The following COL4A4 variants were observed in gnomAD, a reference collection of about 807,000 sequenced individuals.
The protein encoded by COL4A4 is collagen type IV alpha 4 chain, also known as collagen alpha-4(IV) chain.
In COL4A4, 105 loss-of-function variants were observed where a neutral mutation model predicts 192.9. The observed-to-expected ratio is 0.54, with a 90% confidence interval of 0.46 to 0.64. COL4A4 has a LOEUF of 0.64. Ranked by LOEUF, COL4A4 falls within the 30% of genes least tolerant of loss-of-function variation. The probability of loss-of-function intolerance (pLI) is 0.00; values close to 1 mark genes in which losing one functional copy is unlikely to be tolerated. For synonymous variants in COL4A4, 762 were observed against 769.9 expected (o/e 0.99, Z 0.17); for missense variants, 1,967 against 2,169.3 (o/e 0.91, Z 1.85).
chr2:227,041,879 AAAG>A (rs1168206843), intron 37 of COL4A4, among the ~76,000 whole-genome samples: 2 of 146,764 alleles, frequency 1.4e-5, no homozygotes, highest in Non-Finnish European at 3.0e-5. Context: ...AGAAAGAAAG[AAAG>A]AAAGAAAGAA....
chr2:227,052,114 C>A (rs1296465100), intron 32 of COL4A4, among the ~76,000 whole-genome samples, 191 bp downstream of exon 32: 1 of 151,998 alleles, frequency 6.6e-6, no homozygotes, highest in East Asian at 1.9e-4. Flanking sequence ...TCGCTTGAAC[C>A]CGGGAGGCAG....
chr2:227,023,385 T>G (rs1417668276), intron 43 of COL4A4, among the ~76,000 whole-genome samples: 2 of 147,388 alleles, frequency 1.4e-5, no homozygotes, highest in Non-Finnish European at 3.0e-5. Flanking sequence ...AGAGGTTGCA[T>G]GAGCTGAGAT....
chr2:227,054,641 T>C lies in COL4A4; in HGVS notation c.2813A>G (p.Lys938Arg). ...CPGAKGEPGE[K>R]GMSGLPGDRG... Reference sequence around the variant, plus strand: ...GTCTCCAGGAAGGCCAGACATGCCCTTCTCTCCAGGTTCTCCCTTTGCGCC... The same window carrying C: ...GTCTCCAGGAAGGCCAGACATGCCCCTCTCTCCAGGTTCTCCCTTTGCGCC... The change falls in exon 31 of 48, where the codon AAG (lysine) becomes AGG (arginine). Residue 938 changes from lysine (K) to arginine (R), a missense_variant. Coordinates refer to ENST00000396625, the MANE Select transcript of COL4A4 (RefSeq NM_000092.5). 6.2e-7 allele frequency: 1 copy of C among 1,614,226 alleles called. No homozygotes were observed. Among genetic ancestry groups the C allele is most frequent in the Non-Finnish European group, 8.5e-7 (1 of 1,180,024 alleles).
At position 227,008,072 on chromosome 2, in the gene COL4A4, G is replaced by T. The variant is rs971543054; in HGVS notation, c.4755C>A (p.Ile1585=). ...TCCTCCAGGTCTGCGGACATGGGGGGATGGACTGGTCCTGGCTGTGCACCG... is the reference window on the plus strand; with the variant it reads ...TCCTCCAGGTCTGCGGACATGGGGGTATGGACTGGTCCTGGCTGTGCACCG... The part of the protein sequence containing the change: ...AVAVHSQDQS[I]PPCPQTWRSL... Residue 1585 remains isoleucine, a synonymous_variant, in exon 47 of 48, where the codon ATC becomes ATA. Coordinates refer to ENST00000396625, the MANE Select transcript of COL4A4 (RefSeq NM_000092.5). 6.2e-7 allele frequency: 1 copy of T among 1,614,056 alleles called. No individual in the cohort carries two copies. The highest frequency in any genetic ancestry group is 8.5e-7 in the Non-Finnish European group (1 of 1,180,044).
intron 3 of COL4A4, among the ~76,000 whole-genome samples, 158 bp from the exon 4 acceptor site, chr2:227,140,396 TTAA>T (rs2125295400): frequency 6.6e-6 from 1 of 152,326 alleles, no homozygotes; most frequent in African/African-American, 2.4e-5. Flanking sequence ...ACACAGTAGC[TTAA>T]TAATAAGGAG....
intron 43 of COL4A4, chr2:227,022,476 A>T (rs771460539): frequency 1.0e-5 from 6 of 600,432 alleles, no homozygotes; most frequent in Non-Finnish European, 1.6e-5. Flanking sequence ...TGATGCAGCA[A>T]CGTGATGACC....
At chr2:227,041,871 AAAGAAAGAAAGAAAG>A (rs1971425895) in intron 37 of COL4A4, among the ~76,000 whole-genome samples, 2 of 140,216 alleles carry the variant, frequency 1.4e-5, no homozygotes, top group African/African-American at 5.7e-5. Flanking sequence ...AGAAAGAAAG[AAAGAAAGAAAGAAAG>A]AAAGAAAGAA....
At chr2:227,025,329 A>G (rs1052501242) in intron 43 of COL4A4, among the ~76,000 whole-genome samples, 2 of 152,184 alleles carry the variant, frequency 1.3e-5, no homozygotes, top group African/African-American at 4.8e-5. Context: ...TCCTTTTAAC[A>G]CACAAAGAAA....
intron 11 of COL4A4, 78 bp downstream of exon 11, chr2:227,108,755 A>ATCTGATAAGAGGAAAG (rs1281514770): frequency 2.2e-5 from 33 of 1,533,914 alleles, no homozygotes; most frequent in Non-Finnish European, 2.9e-5. Context: ...GAGGAAAGCC[A>ATCTGATAAGAGGAAAG]TCATTCTGAC....
At position 227,041,846 on chromosome 2, in the gene COL4A4, A is replaced by AAGAAAGAGAGAG. The variant is rs1559478097; in HGVS notation, c.3505+301_3505+302insCTCTCTCTTTCT. 1.8e-3 allele frequency among the ~76,000 whole-genome samples: 69 copies of AAGAAAGAGAGAG among 39,312 alleles called. 1 individual carries two copies. The highest frequency in any genetic ancestry group is 0.011 in the Middle Eastern group (1 of 94). 25.8% of individuals were successfully genotyped at this position (39,312 alleles called of 152,430 possible). A position where few individuals can be genotyped will look rare whatever the true frequency, so the allele number is the denominator to read the frequency against. On this transcript the variant is annotated intron_variant, in intron 37 of 47. Coordinates refer to ENST00000396625, the MANE Select transcript of COL4A4 (RefSeq NM_000092.5). ...AAAGAAAGAAAGAAAGAAAGAAAGA[A>AAGAAAGAGAGAG]AGAGAAAGAAAGAAAGAAAGAAAGA...
chr2:227,031,094 G>A (rs1482930797), intron 40 of COL4A4, among the ~76,000 whole-genome samples: 1 of 152,168 alleles, frequency 6.6e-6, no homozygotes, highest in Non-Finnish European at 1.5e-5. Context: ...CAGATAGACA[G>A]GCATTTGAGG....
the COL4A4 span, among the ~76,000 whole-genome samples, chr2:226,980,762 CCAAGA>C: frequency 1.3e-5 from 2 of 152,070 alleles, no homozygotes; most frequent in Non-Finnish European, 2.9e-5. Flanking sequence ...CTTCAGTTAC[CCAAGA>C]TGAGCCTAAT....
chr2:226,987,861 T>C, the COL4A4 span, among the ~76,000 whole-genome samples: 7 of 152,284 alleles, frequency 4.6e-5, no homozygotes, highest in Admixed American at 3.9e-4. Context: ...GAATCTGTGG[T>C]GAGGGGGTGG....
the COL4A4 span, among the ~76,000 whole-genome samples, chr2:226,982,790 C>CTTAG: frequency 6.6e-6 from 1 of 152,122 alleles, no homozygotes; most frequent in Non-Finnish European, 1.5e-5. Flanking sequence ...TATGATGCAC[C>CTTAG]CACTATGTAC....
intron 12 of COL4A4, among the ~76,000 whole-genome samples, chr2:227,107,818 C>T (rs965470451): frequency 6.8e-6 from 1 of 146,576 alleles, no homozygotes; most frequent in African/African-American, 2.6e-5. Flanking sequence ...AGTGCAGTGG[C>T]ACAATCTTGG....
intron 20 of COL4A4, among the ~76,000 whole-genome samples, chr2:227,090,559 G>A (rs1188902080): frequency 6.6e-6 from 1 of 151,866 alleles, no homozygotes; most frequent in Non-Finnish European, 1.5e-5. Flanking sequence ...GACCAGCCTG[G>A]CCAACATGGT....
At chr2:226,974,106 G>A in the COL4A4 span, among the ~76,000 whole-genome samples, 3 of 152,072 alleles carry the variant, frequency 2.0e-5, no homozygotes, top group Non-Finnish European at 4.4e-5. Flanking sequence ...CACAGCACTC[G>A]GTGTAACACT....
chr2:227,084,834 C>A (rs1241895793), intron 22 of COL4A4, among the ~76,000 whole-genome samples: 1 of 152,040 alleles, frequency 6.6e-6, no homozygotes, highest in Non-Finnish European at 1.5e-5. Flanking sequence ...CCAGCAGCAA[C>A]AAAAACTCCT....
At chr2:226,988,087 C>G in the COL4A4 span, among the ~76,000 whole-genome samples, 4 of 152,110 alleles carry the variant, frequency 2.6e-5, no homozygotes, top group Non-Finnish European at 2.9e-5. Flanking sequence ...GGGCCAGGAC[C>G]CAGTGTGTTT....
Sources: gnomAD v4.1 joint callset for allele counts (sites outside exome capture counted in the v4.1 genomes callset) on GRCh38, gnomAD v4.1.1 for gene constraint, MANE v1.5 for transcripts, NCBI Gene and HGNC (gene_info 2026-07-23, HGNC 2026-07-21) for gene names.